Variants in MLLT3 observed in about 807,000 individuals in gnomAD.
The protein encoded by MLLT3 is protein AF-9.
A neutral mutation model predicts 53.2 loss-of-function variants in MLLT3; 4 were observed. That is an observed-to-expected ratio of 0.08 (90% CI 0.04 to 0.17). The LOEUF (loss-of-function observed/expected upper bound fraction) is 0.17. Among genes scored for constraint, MLLT3 ranks in the 10% least tolerant of loss-of-function variants. The pLI, the probability that MLLT3 is intolerant of heterozygous loss-of-function variation, is 1.00. For missense variants in MLLT3, 569 were observed against 684.0 expected, an observed-to-expected ratio of 0.83 and a Z score of 1.87; for synonymous variants, 283 against 230.6, an observed-to-expected ratio of 1.23 and a Z score of -2.06.
intron 2 of MLLT3, among the ~76,000 whole-genome samples, chr9:20,507,212 T>G (rs1414270542): frequency 6.6e-6 from 1 of 151,686 alleles, no homozygotes; most frequent in Non-Finnish European, 1.5e-5. Flanking sequence ...CCAGATCAAG[T>G]TCCACCGATA....
At chr9:20,453,318 T>C (rs1300320928) in intron 3 of MLLT3, among the ~76,000 whole-genome samples, 1 of 152,166 alleles carries the variant, frequency 6.6e-6, no homozygotes, top group East Asian at 1.9e-4. Flanking sequence ...CCTAGCACTT[T>C]GGGAGGCAGA....
intron 2 of MLLT3, among the ~76,000 whole-genome samples, chr9:20,597,801 G>T (rs1820315265): frequency 6.6e-6 from 1 of 152,116 alleles, no homozygotes; most frequent in Non-Finnish European, 1.5e-5. Flanking sequence ...AATAAGTAAG[G>T]TTCCTATAGA....
intron 5 of MLLT3, among the ~76,000 whole-genome samples, chr9:20,376,223 G>A (rs1333572182): frequency 1.3e-5 from 2 of 152,126 alleles, no homozygotes; most frequent in Non-Finnish European, 2.9e-5. Context: ...TAACCACAGA[G>A]AAGACTCTAC....
Position 20,621,664 on chromosome 9 carries a change from CCTCGGCTCGCGCTCA to C in MLLT3, c.12+566_12+580del. 1 of 1,120,898 alleles carries C rather than the reference CCTCGGCTCGCGCTCA, an allele frequency of 8.9e-7. No homozygotes were observed. Among genetic ancestry groups the C allele is most frequent in the Non-Finnish European group, 1.2e-6 (1 of 825,132 alleles). 69.4% of individuals were successfully genotyped at this position (1,120,898 alleles called of 1,614,324 possible). On this transcript the variant is annotated intron_variant, in intron 1 of 10. Transcript: ENST00000380338. The surrounding 1 kb of genome is among the most constrained non-coding windows in gnomAD (Gnocchi z 7.0). Reference sequence around the variant, plus strand: ...GGGCGGCGGGCGGACAGCCGCCGAGCCTCGGCTCGCGCTCAGCACCTCCCGGCGCTGGGGCAAAGT... The same window carrying C: ...GGGCGGCGGGCGGACAGCCGCCGAGCGCACCTCCCGGCGCTGGGGCAAAGT...
intron 8 of MLLT3, among the ~76,000 whole-genome samples, chr9:20,357,201 A>G (rs983089551): frequency 2.6e-4 from 39 of 152,226 alleles, no homozygotes; most frequent in Non-Finnish European, 1.9e-4. Flanking sequence ...GATATTCTGA[A>G]TATTAACCCG....
At chr9:20,426,691 T>C (rs148601057) in intron 4 of MLLT3, among the ~76,000 whole-genome samples, 9 of 152,196 alleles carry the variant, frequency 5.9e-5, no homozygotes, top group East Asian at 5.8e-4. Flanking sequence ...CTCGTCTAAT[T>C]TGGGCAATAT....
rs140308919 is a variant in MLLT3 at position 20,517,283 on chromosome 9, A to G, written c.194-60497T>C. On this transcript the variant is annotated intron_variant, in intron 2 of 10. Transcript: ENST00000380338. ...AGAGGGCTACAAAACCAACATCAAA[A>G]AAGAACAACACAAATCTCATAGCTC... Among the ~76,000 whole-genome samples, 47 of 152,324 alleles carry G rather than the reference A, an allele frequency of 3.1e-4. No individual in the cohort carries two copies. The South Asian group carries it at 7.5e-3, about 24-fold the overall frequency.
chr9:20,426,831 A>C (rs971079961), intron 4 of MLLT3, among the ~76,000 whole-genome samples: 1 of 152,156 alleles, frequency 6.6e-6, no homozygotes, highest in African/African-American at 2.4e-5. Flanking sequence ...AGAGAAATAG[A>C]AACATAAAAG....
chr9:20,367,051 A>T (rs1311850597), intron 5 of MLLT3, among the ~76,000 whole-genome samples: 1 of 152,252 alleles, frequency 6.6e-6, no homozygotes, highest in Non-Finnish European at 1.5e-5. Flanking sequence ...CAATATTCAT[A>T]ACAAGACCCA....
intron 2 of MLLT3, among the ~76,000 whole-genome samples, chr9:20,563,916 T>C (rs1819283897): frequency 6.6e-6 from 1 of 152,166 alleles, no homozygotes; most frequent in Non-Finnish European, 1.5e-5. Flanking sequence ...TAACAAAAGA[T>C]GACTTTTAAA....
At chr9:20,538,531 C>A (rs543082375) in intron 2 of MLLT3, among the ~76,000 whole-genome samples, 5 of 152,200 alleles carry the variant, frequency 3.3e-5, no homozygotes, top group Admixed American at 6.6e-5. Flanking sequence ...TAAATTCACA[C>A]CATCTGCAAT....
chr9:20,520,112 A>G (rs1479632965), intron 2 of MLLT3, among the ~76,000 whole-genome samples: 1 of 152,180 alleles, frequency 6.6e-6, no homozygotes, highest in East Asian at 1.9e-4. Context: ...AAAGCCAAAT[A>G]CCACATGTTC....
chr9:20,404,040 T>A (rs1822521263), intron 5 of MLLT3, among the ~76,000 whole-genome samples: 1 of 152,120 alleles, frequency 6.6e-6, no homozygotes, highest in Non-Finnish European at 1.5e-5. Flanking sequence ...AGACTGGTCT[T>A]GAACTCCTAG....
intron 7 of MLLT3, among the ~76,000 whole-genome samples, chr9:20,362,208 A>G (rs117771117): frequency 2.6e-5 from 4 of 152,356 alleles, no homozygotes; most frequent in Non-Finnish European, 5.9e-5. Context: ...TATCTGTATC[A>G]GATGACTCAC....
chr9:20,428,114 T>C (rs932512272), intron 4 of MLLT3, among the ~76,000 whole-genome samples: 10 of 152,170 alleles, frequency 6.6e-5, no homozygotes, highest in Admixed American at 2.6e-4. Context: ...AGAAAGATAG[T>C]TGCTAAACAT....
intron 2 of MLLT3, among the ~76,000 whole-genome samples, chr9:20,534,367 G>A (rs1818423669): frequency 6.6e-6 from 1 of 152,242 alleles, no homozygotes; most frequent in East Asian, 1.9e-4. Context: ...TTTAAATAGT[G>A]ATCCTATGGC....
intron 10 of MLLT3, among the ~76,000 whole-genome samples, chr9:20,351,958 G>T (rs562474054): frequency 1.2e-3 from 188 of 152,174 alleles, no homozygotes; most frequent in Non-Finnish European, 2.2e-3. Flanking sequence ...ATGCAATTAG[G>T]GTGAAATGCT....
intron 2 of MLLT3, among the ~76,000 whole-genome samples, chr9:20,606,508 G>T (rs900271347): frequency 1.3e-5 from 2 of 152,042 alleles, no homozygotes; most frequent in Admixed American, 6.6e-5. Context: ...ATTTGAACAG[G>T]CTACAAAGTA....
chr9:20,608,372 A>T (rs1820617895), intron 2 of MLLT3, among the ~76,000 whole-genome samples: 1 of 151,948 alleles, frequency 6.6e-6, no homozygotes, highest in African/African-American at 2.4e-5. Context: ...ACTCCACAGG[A>T]AAAAAGGGCC....
Sources: gnomAD v4.1 joint callset for allele counts (sites outside exome capture counted in the v4.1 genomes callset) on GRCh38, gnomAD v4.1.1 for gene constraint, Gnocchi (gnomAD v3.1) non-coding constraint, MANE v1.5 for transcripts, NCBI Gene and HGNC (gene_info 2026-07-23, HGNC 2026-07-21) for gene names.